The following RSBN1 variants were observed in gnomAD, a reference collection of about 807,000 sequenced individuals.
The protein encoded by RSBN1 is lysine-specific demethylase 9.
A neutral mutation model predicts 74.8 loss-of-function variants in RSBN1; 23 were observed. That is an observed-to-expected ratio of 0.31 (90% confidence interval 0.22 to 0.44). The LOEUF (loss-of-function observed/expected upper bound fraction) is 0.44. Ranked by LOEUF, RSBN1 falls within the 20% of genes least tolerant of loss-of-function variation. RSBN1 has a pLI of 1.00. For synonymous variants in RSBN1, 407 were observed against 379.6 expected (o/e 1.07, Z -0.84); for missense variants, 808 against 1,020.9 (o/e 0.79, Z 2.84).
At chr1:113,772,098 G>T (rs1044509529) in intron 4 of RSBN1, among the ~76,000 whole-genome samples, 3 of 152,078 alleles carry the variant, frequency 2.0e-5, no homozygotes, top group Non-Finnish European at 4.4e-5. Flanking sequence ...AGCTGGGTCT[G>T]CAGTAAACAT....
rs1660498009 is a variant in RSBN1, at chr1:113,797,683, C to G, written c.1057G>C (p.Gly353Arg). 1.2e-6 allele frequency: 2 copies of G among 1,614,048 alleles called. No homozygotes were observed. The highest frequency in any genetic ancestry group is 1.7e-6 in the Non-Finnish European group (2 of 1,179,984). The change falls in exon 2 of 7, where the codon GGT (glycine) becomes CGT (arginine). Residue 353 changes from glycine (G) to arginine (R), a missense_variant. Coordinates refer to ENST00000261441, the MANE Select transcript of RSBN1 (RefSeq NM_018364.5). The part of the protein sequence containing the change: ...HSIRRNFLKT[G>R]TKFSNFIHEE... ...TGAATAAAGTTGCTAAATTTAGTAC[C>G]TGTTTTTAAGAAATTTCTACGAATA...
Position 113,812,441 on chromosome 1 carries a change from C to A in RSBN1, c.-29G>T. 3 of 1,556,402 alleles carry A rather than the reference C, an allele frequency of 1.9e-6. No homozygotes were observed. The highest frequency in any genetic ancestry group is 1.8e-4 in the Middle Eastern group (1 of 5,626). ...GGAAGCGGCCGTTCCCAGCTTTTCT[C>A]CGCAGGCCTCTCCAACCGAGCTTCT... On this transcript the variant is annotated 5_prime_UTR_variant, in exon 1 of 7. Coordinates refer to ENST00000261441, the MANE Select transcript of RSBN1 (RefSeq NM_018364.5).
At chr1:113,773,899 A>T (rs1041881863) in intron 4 of RSBN1, among the ~76,000 whole-genome samples, 1 of 151,930 alleles carries the variant, frequency 6.6e-6, no homozygotes, top group Non-Finnish European at 1.5e-5. Flanking sequence ...GCTACTCGGG[A>T]GGCTGAGGCA....
intron 1 of RSBN1, among the ~76,000 whole-genome samples, chr1:113,803,816 T>C (rs1336752979): frequency 6.6e-6 from 1 of 151,372 alleles, no homozygotes; most frequent in African/African-American, 2.4e-5. Flanking sequence ...TAAAATGTTA[T>C]AATAGGCCAG....
At position 113,763,343 on chromosome 1, in the gene RSBN1, T is replaced by C. The variant is rs1234819918; in HGVS notation, c.*2637A>G. ...TCAAGAGCTGGCACAACGGATAATA[T>C]ACCAAAAAGGAAGATCAGCTTAAAT... On this transcript the variant is annotated 3_prime_UTR_variant, in exon 7 of 7. Transcript: ENST00000261441. The C allele has an allele frequency of 1.3e-5, 2 of 152,736 alleles. No homozygotes were observed. The highest frequency in any genetic ancestry group is 4.8e-5 in the African/African-American group (2 of 41,442). 9.5% of individuals were successfully genotyped at this position (152,736 alleles called of 1,614,324 possible). A position where few individuals can be genotyped will look rare whatever the true frequency, so the allele number is the denominator to read the frequency against.
At chr1:113,791,672 A>C (rs1253175692) in intron 2 of RSBN1, among the ~76,000 whole-genome samples, 2 of 152,190 alleles carry the variant, frequency 1.3e-5, no homozygotes, top group Admixed American at 6.5e-5. Context: ...TATAGTGAAA[A>C]AACAGTGTGA....
intron 2 of RSBN1, among the ~76,000 whole-genome samples, chr1:113,784,248 T>TCA (rs1660195821): frequency 6.6e-6 from 1 of 152,190 alleles, no homozygotes; most frequent in Non-Finnish European, 1.5e-5. Flanking sequence ...CAGTCATGTG[T>TCA]CACCTAATGA....
In RSBN1 at chr1:113,762,699, C is replaced by G. The variant is rs1659701262; in HGVS notation, c.*3281G>C. 1 of 152,640 alleles carries G rather than the reference C, an allele frequency of 6.6e-6. No individual in the cohort carries two copies. The highest frequency in any genetic ancestry group is 1.5e-5 in the Non-Finnish European group (1 of 68,000). 9.5% of individuals were successfully genotyped at this position (152,640 alleles called of 1,614,324 possible). A position where few individuals can be genotyped will look rare whatever the true frequency, so the allele number is the denominator to read the frequency against. On this transcript the variant is annotated 3_prime_UTR_variant, in exon 7 of 7. Coordinates refer to ENST00000261441, the MANE Select transcript of RSBN1 (RefSeq NM_018364.5). ...TTTTCATGGATTTGGGAGTCTTGTT[C>G]CTATATTAGCTTTCATTCTAGACAA... is the stretch of plus-strand genomic sequence containing the variant.
intron 6 of RSBN1, among the ~76,000 whole-genome samples, chr1:113,766,668 AC>A (rs1322457013): frequency 1.3e-5 from 2 of 152,226 alleles, no homozygotes; most frequent in East Asian, 3.8e-4. Context: ...GTAACAAAGT[AC>A]AGGTTAAAAT....
At chr1:113,798,104 C>A in intron 1 of RSBN1, 68 bp from the exon 2 acceptor site, 2 of 1,372,878 alleles carry the variant, frequency 1.5e-6, no homozygotes, top group Admixed American at 2.3e-5. Context: ...TCTTAAGGTA[C>A]TTGATCTCAT....
intron 2 of RSBN1, among the ~76,000 whole-genome samples, chr1:113,790,968 A>G (rs1660352537): frequency 6.6e-6 from 1 of 152,084 alleles, no homozygotes; most frequent in South Asian, 2.1e-4. Context: ...AGTTTGGGAA[A>G]CTCTGGCCTG....
chr1:113,783,676 C>T (rs761759950), intron 2 of RSBN1, among the ~76,000 whole-genome samples: 11 of 152,114 alleles, frequency 7.2e-5, no homozygotes, highest in Non-Finnish European at 1.5e-4. Context: ...TCAGGGCATA[C>T]CTTTATAAGG....
Position 113,763,851 on chromosome 1 carries a change from A to G in RSBN1, c.*2129T>C, listed in dbSNP as rs1659732752. 2 of 152,692 alleles carry G rather than the reference A, an allele frequency of 1.3e-5. No homozygotes were observed. Among genetic ancestry groups the G allele is most frequent in the African/African-American group, 2.4e-5 (1 of 41,428 alleles). 9.5% of individuals were successfully genotyped at this position (152,692 alleles called of 1,614,324 possible). A position where few individuals can be genotyped will look rare whatever the true frequency, so the allele number is the denominator to read the frequency against. Reference sequence around the variant, plus strand: ...CTGTCAGGAGACAGTCTCCTTGTTTATTAGCAATGACCAGCTTGGATGACA... The same window carrying G: ...CTGTCAGGAGACAGTCTCCTTGTTTGTTAGCAATGACCAGCTTGGATGACA... On this transcript the variant is annotated 3_prime_UTR_variant, in exon 7 of 7. Transcript: ENST00000261441.
At chr1:113,795,351 T>C (rs1407740357) in intron 2 of RSBN1, among the ~76,000 whole-genome samples, 1 of 152,214 alleles carries the variant, frequency 6.6e-6, no homozygotes, top group Non-Finnish European at 1.5e-5. Flanking sequence ...ACCTACCCAC[T>C]AGGTTGTTTC....
chr1:113,766,088 A>AT lies in RSBN1; in HGVS notation c.2300dup (p.Asn767LysfsTer19). 1 of 1,614,096 alleles carries AT rather than the reference A, an allele frequency of 6.2e-7. No individual in the cohort carries two copies. The highest frequency in any genetic ancestry group is 8.5e-7 in the Non-Finnish European group (1 of 1,179,960). ...GCTGAGTCTTCTGATCTTGCTGTAG[A>AT]TTAAGTTCTGATGCAGGTGGGAAAG... On this transcript the variant is annotated frameshift_variant, in exon 7 of 7. Coordinates refer to ENST00000261441, the MANE Select transcript of RSBN1 (RefSeq NM_018364.5). LOFTEE classifies it high-confidence loss of function.
In RSBN1 at chr1:113,802,893, T is replaced by C. The variant is rs115711886; in HGVS notation, c.704-4857A>G. Among the ~76,000 whole-genome samples, 345 of 152,320 alleles carry C rather than the reference T, an allele frequency of 2.3e-3. 4 individuals carry two copies. Among genetic ancestry groups the C allele is most frequent in the African/African-American group, 7.9e-3 (330 of 41,576 alleles). On this transcript the variant is annotated intron_variant, in intron 1 of 6. Transcript: ENST00000261441. Reference sequence around the variant, plus strand: ...CCATGGTTTACATTCAGGTTCACTCTTGTTGTACATTCTGAGGGTTTGGAT... The same window carrying C: ...CCATGGTTTACATTCAGGTTCACTCCTGTTGTACATTCTGAGGGTTTGGAT...
rs1659695294 is a variant in RSBN1, at chr1:113,762,405, A to C, written c.*3575T>G. 6.6e-6 allele frequency: 1 copy of C among 152,508 alleles called. No homozygotes were observed. Among genetic ancestry groups the C allele is most frequent in the Non-Finnish European group, 1.5e-5 (1 of 68,022 alleles). 9.4% of individuals were successfully genotyped at this position (152,508 alleles called of 1,614,324 possible). A position where few individuals can be genotyped will look rare whatever the true frequency, so the allele number is the denominator to read the frequency against. ...GACAAGGATAGGTCCCTTACGTGCT[A>C]AAGAAAAACATTTGTACTGTGCATT... On this transcript the variant is annotated 3_prime_UTR_variant, in exon 7 of 7. Coordinates refer to ENST00000261441, the MANE Select transcript of RSBN1 (RefSeq NM_018364.5).
At chr1:113,783,236 G>C (rs560347265) in intron 2 of RSBN1, among the ~76,000 whole-genome samples, 4 of 151,662 alleles carry the variant, frequency 2.6e-5, no homozygotes, top group African/African-American at 9.7e-5. Context: ...TGTATGTTAA[G>C]GCTAGAAATG....
intron 2 of RSBN1, among the ~76,000 whole-genome samples, chr1:113,789,886 C>G (rs1361018843): frequency 6.6e-6 from 1 of 152,060 alleles, no homozygotes; most frequent in Non-Finnish European, 1.5e-5. Flanking sequence ...TTAGATGTAT[C>G]AAAATAATCT....
Sources: allele counts gnomAD v4.1 joint callset (sites outside exome capture counted in the v4.1 genomes callset), GRCh38; gene constraint gnomAD v4.1.1; transcripts MANE v1.5; gene names NCBI Gene and HGNC (gene_info 2026-07-23, HGNC 2026-07-21).